The following SGCZ variants were observed in gnomAD, a reference collection of about 807,000 sequenced individuals.
The protein encoded by SGCZ is sarcoglycan zeta.
Under a neutral mutation model 41.3 loss-of-function variants are expected in SGCZ, and 40 were observed. That is an observed-to-expected ratio of 0.97 (90% CI 0.75 to 1.26). The LOEUF (loss-of-function observed/expected upper bound fraction) is 1.26. Among genes scored for constraint, SGCZ ranks in the 50% most tolerant of loss-of-function variants. The pLI, the probability that SGCZ is intolerant of heterozygous loss-of-function variation, is 0.00. For synonymous variants in SGCZ, 206 were observed against 137.5 expected, an observed-to-expected ratio of 1.50 and a Z score of -3.49; for missense variants, 552 against 369.8, an observed-to-expected ratio of 1.49 and a Z score of -4.04.
intron 1 of SGCZ, among the ~76,000 whole-genome samples, chr8:14,891,345 T>A (rs1805011314): frequency 6.6e-6 from 1 of 152,178 alleles, no homozygotes. Context: ...TTGAAAGAAG[T>A]TGATTCCAGC....
chr8:14,384,331 G>A (rs1018883913), intron 2 of SGCZ, among the ~76,000 whole-genome samples: 6 of 151,928 alleles, frequency 3.9e-5, no homozygotes, highest in Non-Finnish European at 7.4e-5. Flanking sequence ...TGTTTATTGC[G>A]GCACTGCTCA....
At chr8:14,126,677 A>G (rs1222210411) in intron 5 of SGCZ, among the ~76,000 whole-genome samples, 1 of 152,228 alleles carries the variant, frequency 6.6e-6, no homozygotes, top group African/African-American at 2.4e-5. Flanking sequence ...TTATAAAGAT[A>G]CACACACGTA....
intron 1 of SGCZ, among the ~76,000 whole-genome samples, chr8:14,986,161 A>G (rs914438319): frequency 6.6e-6 from 1 of 152,134 alleles, no homozygotes; most frequent in African/African-American, 2.4e-5. Context: ...AACAATATAT[A>G]CAGGTATGGA....
At chr8:14,642,771 A>C (rs911374822) in intron 1 of SGCZ, among the ~76,000 whole-genome samples, 2 of 151,574 alleles carry the variant, frequency 1.3e-5, no homozygotes, top group South Asian at 2.1e-4. Flanking sequence ...TAAATAATAT[A>C]TATATCTAAG....
intron 1 of SGCZ, among the ~76,000 whole-genome samples, chr8:14,572,342 A>C (rs1804579995): frequency 1.3e-5 from 2 of 152,162 alleles, no homozygotes; most frequent in Admixed American, 6.5e-5. Flanking sequence ...CCTTTTTAGT[A>C]CTACACATCT....
intron 1 of SGCZ, among the ~76,000 whole-genome samples, chr8:15,132,601 A>G (rs1807952135): frequency 6.6e-6 from 1 of 152,180 alleles, no homozygotes; most frequent in African/African-American, 2.4e-5. Context: ...TAATAATTTA[A>G]CCAGAAAGAC....
At chr8:14,250,602 T>C (rs1799250116) in intron 3 of SGCZ, among the ~76,000 whole-genome samples, 1 of 152,144 alleles carries the variant, frequency 6.6e-6, no homozygotes, top group African/African-American at 2.4e-5. Context: ...TCTCCATATA[T>C]CTGCATGGAT....
At chr8:14,613,686 T>C (rs1378596284) in intron 1 of SGCZ, among the ~76,000 whole-genome samples, 2 of 152,192 alleles carry the variant, frequency 1.3e-5, no homozygotes, top group African/African-American at 4.8e-5. Flanking sequence ...AATAATTGCA[T>C]CATTTTTAAT....
intron 1 of SGCZ, among the ~76,000 whole-genome samples, chr8:14,890,804 G>A (rs1585353449): frequency 6.6e-6 from 1 of 152,174 alleles, no homozygotes. Flanking sequence ...AGGCTATCTT[G>A]TTAGGTATTC....
chr8:14,718,295 A>G (rs1809762496), intron 1 of SGCZ, among the ~76,000 whole-genome samples: 1 of 152,006 alleles, frequency 6.6e-6, no homozygotes, highest in African/African-American at 2.4e-5. Context: ...GACAGCTGCT[A>G]TAAGGATTTC....
chr8:14,511,768 C>T (rs1802474581), intron 2 of SGCZ, among the ~76,000 whole-genome samples: 1 of 152,086 alleles, frequency 6.6e-6, no homozygotes, highest in African/African-American at 2.4e-5. Context: ...GCCAAAGTTA[C>T]TGTAGTTCCC....
intron 2 of SGCZ, among the ~76,000 whole-genome samples, chr8:14,436,490 G>A (rs567977147): frequency 4.6e-5 from 7 of 152,152 alleles, no homozygotes; most frequent in Non-Finnish European, 1.0e-4. Flanking sequence ...TAAGGGATTT[G>A]TGAGGTCAAA....
At chr8:15,220,328 T>G (rs1481053605) in intron 1 of SGCZ, among the ~76,000 whole-genome samples, 2 of 152,170 alleles carry the variant, frequency 1.3e-5, no homozygotes, top group Non-Finnish European at 2.9e-5. Context: ...CCATTAAGTG[T>G]AAGAATCAGA....
At chr8:14,429,018 C>A (rs138365919) in intron 2 of SGCZ, among the ~76,000 whole-genome samples, 255 of 152,256 alleles carry the variant, frequency 1.7e-3, no homozygotes, top group Non-Finnish European at 2.8e-3. Context: ...TGATTTATTT[C>A]ATTACTGGCA....
chr8:14,777,050 G>A (rs753059833), intron 1 of SGCZ, among the ~76,000 whole-genome samples: 30 of 152,210 alleles, frequency 2.0e-4, no homozygotes, highest in Non-Finnish European at 3.7e-4. Context: ...GAGGAGGAAT[G>A]TATGAATCCC....
intron 7 of SGCZ, among the ~76,000 whole-genome samples, chr8:14,101,053 A>C (rs963769048): frequency 3.3e-5 from 5 of 152,222 alleles, no homozygotes; most frequent in African/African-American, 1.2e-4. Context: ...ATCATGTATG[A>C]GCATTTAAAA....
At chr8:14,110,737 A>G (rs888084583) in intron 5 of SGCZ, among the ~76,000 whole-genome samples, 1 of 152,150 alleles carries the variant, frequency 6.6e-6, no homozygotes, top group Non-Finnish European at 1.5e-5. Context: ...TGAACCAGGT[A>G]TGAAGTCTAA....
rs377185964 is a variant in SGCZ, at chr8:14,269,621, G to T, written c.337-31942C>A. Among the ~76,000 whole-genome samples the T allele has an allele frequency of 1.0e-3, 153 of 152,208 alleles. 1 individual carries two copies. Among genetic ancestry groups the T allele is most frequent in the African/African-American group, 3.6e-3 (148 of 41,550 alleles). On this transcript the variant is annotated intron_variant, in intron 3 of 7. Coordinates refer to ENST00000382080, the MANE Select transcript of SGCZ (RefSeq NM_139167.4). ...TGACCCAGATTGCCTTTGGGTCATT[G>T]ATCTCCATGTCAGATAAATTTCTGA...
chr8:14,209,007 G>C (rs528709382), intron 4 of SGCZ, among the ~76,000 whole-genome samples: 1 of 152,320 alleles, frequency 6.6e-6, no homozygotes, highest in East Asian at 1.9e-4. Context: ...GTGAATGCTG[G>C]TAGCTGTGCC....
Sources: allele counts gnomAD v4.1 joint callset (sites outside exome capture counted in the v4.1 genomes callset), GRCh38; gene constraint gnomAD v4.1.1; transcripts MANE v1.5; gene names NCBI Gene and HGNC (gene_info 2026-07-23, HGNC 2026-07-21).